Variants in PLCG2 observed in about 807,000 individuals in gnomAD.
PLCG2 encodes phospholipase C gamma 2, also known as 1-phosphatidylinositol 4,5-bisphosphate phosphodiesterase gamma-2.
A neutral mutation model predicts 175.6 loss-of-function variants in PLCG2; 69 were observed. That is an observed-to-expected ratio of 0.39 (90% CI 0.32 to 0.48). PLCG2 has a LOEUF of 0.48. Ranked by LOEUF, PLCG2 falls within the 20% of genes least tolerant of loss-of-function variation. PLCG2 has a pLI of 0.91. For missense variants in PLCG2, 1,798 were observed against 1,650.9 expected (o/e 1.09, Z -1.54); for synonymous variants, 827 against 624.0 (o/e 1.33, Z -4.85).
rs4888183 is a variant in PLCG2 at position 81,859,103 on chromosome 16, T to C, written c.432-13T>C. The C allele has an allele frequency of 6.6e-7, 1 of 1,524,416 alleles. No individual in the cohort carries two copies. Among genetic ancestry groups the C allele is most frequent in the Admixed American group, 1.7e-5 (1 of 59,864 alleles). The allele number at this position is 1,524,416 out of a possible 1,614,324, so 94.4% of individuals were successfully genotyped here. A position where few individuals can be genotyped will look rare whatever the true frequency, so the allele number is the denominator to read the frequency against. ...CTCTTTCTCTCTTTCTTTTGTCTCA[T>C]ATTTCTTTCCAGTTGGCTGAGAAAG... On this transcript the variant is annotated splice_polypyrimidine_tract_variant and intron_variant, in intron 4 of 32. Transcript: ENST00000564138.
intron 1 of PLCG2, among the ~76,000 whole-genome samples, chr16:81,750,833 C>G (rs1332100785): frequency 3.3e-5 from 5 of 151,202 alleles, no homozygotes; most frequent in African/African-American, 1.2e-4. Context: ...ACACCTGCAC[C>G]TGGCTAATTT....
At chr16:81,855,295 C>T (rs1446569649) in intron 3 of PLCG2, among the ~76,000 whole-genome samples, 1 of 152,046 alleles carries the variant, frequency 6.6e-6, no homozygotes, top group African/African-American at 2.4e-5. Context: ...GTCCTGAGAT[C>T]TTCTGTTGCA....
chr16:81,750,730 C>T (rs1385791459), intron 1 of PLCG2, among the ~76,000 whole-genome samples: 1 of 115,064 alleles, frequency 8.7e-6, no homozygotes, highest in East Asian at 3.2e-4. Context: ...TGCAGTGGCG[C>T]GATCTCGGCT....
chr16:81,849,557 G>A (rs989821639), intron 2 of PLCG2, among the ~76,000 whole-genome samples: 5 of 151,986 alleles, frequency 3.3e-5, no homozygotes, highest in African/African-American at 1.2e-4. Flanking sequence ...TCAGGAGTTC[G>A]AGACAAGCCT....
intron 21 of PLCG2, 62 bp from the exon 22 acceptor site, chr16:81,923,423 G>T (rs1243557735): frequency 1.0e-6 from 1 of 999,570 alleles, no homozygotes; most frequent in African/African-American, 1.6e-5. Flanking sequence ...ACCTGGGAAC[G>T]CAGCCGCCTC....
chr16:81,925,885 C>CA (rs755323945), intron 22 of PLCG2, among the ~76,000 whole-genome samples: 250 of 19,744 alleles, frequency 0.013, 1 homozygote, highest in African/African-American at 0.035. Context: ...GACTCTGTCT[C>CA]AAAAAAAAAA....
intron 32 of PLCG2, 138 bp from the exon 33 acceptor site, chr16:81,957,818 C>A: frequency 1.4e-6 from 1 of 699,608 alleles, no homozygotes; most frequent in East Asian, 2.7e-5. Flanking sequence ...AACTTGGAGT[C>A]TGCCTCTCTG....
intron 2 of PLCG2, among the ~76,000 whole-genome samples, chr16:81,851,432 G>C: frequency 6.6e-6 from 1 of 152,128 alleles, no homozygotes; most frequent in East Asian, 1.9e-4. Flanking sequence ...GTCACGTGTA[G>C]GTGGGTATGT....
upstream of PLCG2, among the ~76,000 whole-genome samples, chr16:81,777,229 G>A (rs900165784): frequency 3.9e-5 from 6 of 152,006 alleles, no homozygotes; most frequent in Admixed American, 6.6e-5. Context: ...TAGGAGCCAC[G>A]GCTCCCTAGA....
intron 19 of PLCG2, among the ~76,000 whole-genome samples, chr16:81,915,495 C>T (rs1254801667): frequency 6.6e-6 from 1 of 152,342 alleles, no homozygotes; most frequent in Admixed American, 6.5e-5. Flanking sequence ...AGATGCAACT[C>T]GTATTCCAGA....
At chr16:81,846,487 C>T (rs558373248) in intron 2 of PLCG2, among the ~76,000 whole-genome samples, 1 of 152,218 alleles carries the variant, frequency 6.6e-6, no homozygotes, top group Non-Finnish European at 1.5e-5. Flanking sequence ...AGCACTCTGC[C>T]TAACACAGAG....
chr16:81,749,617 C>G (rs1234522446), intron 1 of PLCG2, among the ~76,000 whole-genome samples: 2 of 152,194 alleles, frequency 1.3e-5, no homozygotes, highest in Non-Finnish European at 1.5e-5. Context: ...GCCTCCCAAA[C>G]TGCTGGAATG....
chr16:81,923,471 G>A lies in PLCG2; in HGVS notation c.2308-14G>A, dbSNP rs571132843. The stretch of plus-strand genomic sequence containing the variant: ...TCCCTGGCCTGACCTTTTCCTTCTT[G>A]TTTTCCCTGAAAGCCTCAGAGAACC... On this transcript the variant is annotated splice_polypyrimidine_tract_variant and intron_variant, in intron 21 of 32. Coordinates refer to ENST00000564138, the MANE Select transcript of PLCG2 (RefSeq NM_002661.5). 1.3e-5 allele frequency: 20 copies of A among 1,573,020 alleles called. No individual in the cohort carries two copies. Among genetic ancestry groups the A allele is most frequent in the Admixed American group, 3.3e-5 (2 of 59,782 alleles).
intron 1 of PLCG2, among the ~76,000 whole-genome samples, chr16:81,752,393 C>G (rs75910468): frequency 0.018 from 2,711 of 152,302 alleles, 36 homozygotes; most frequent in Middle Eastern, 0.034. Flanking sequence ...GGGACACGTC[C>G]TCTTTTAAGG....
Position 81,907,671 on chromosome 16 carries a change from G to A in PLCG2, c.1468-14G>A. The A allele has an allele frequency of 6.2e-7, 1 of 1,606,384 alleles. No homozygotes were observed. Among genetic ancestry groups the A allele is most frequent in the Non-Finnish European group, 8.5e-7 (1 of 1,172,966 alleles). On this transcript the variant is annotated splice_polypyrimidine_tract_variant and intron_variant, in intron 15 of 32. Coordinates refer to ENST00000564138, the MANE Select transcript of PLCG2 (RefSeq NM_002661.5). ...GAGGACTTGGGGGGCACTAATACCA[G>A]TTTCACTTTCTAGAAATGGACTCGG... is the stretch of plus-strand genomic sequence containing the variant.
intron 1 of PLCG2, among the ~76,000 whole-genome samples, chr16:81,752,708 C>T (rs1408001574): frequency 2.0e-5 from 3 of 152,236 alleles, no homozygotes; most frequent in Admixed American, 1.3e-4. Context: ...CCATGAAGGA[C>T]GTGACTGTAG....
intron 2 of PLCG2, among the ~76,000 whole-genome samples, chr16:81,764,164 T>G (rs920710785): frequency 6.6e-6 from 1 of 151,666 alleles, no homozygotes; most frequent in Non-Finnish European, 1.5e-5. Flanking sequence ...TGTGATGGTG[T>G]GAGCCTGTAT....
chr16:81,743,029 G>A (rs949697633), intron 1 of PLCG2, among the ~76,000 whole-genome samples: 6 of 152,154 alleles, frequency 3.9e-5, no homozygotes, highest in Admixed American at 6.6e-5. Context: ...AGCTGGGTTC[G>A]GTGGCTCATG....
chr16:81,939,227 A>T (rs1254372652), intron 29 of PLCG2, among the ~76,000 whole-genome samples: 5 of 152,170 alleles, frequency 3.3e-5, no homozygotes, highest in Non-Finnish European at 7.3e-5. Context: ...AAAGGCCAAG[A>T]GGCAGAGACA....
Sources: gnomAD v4.1 joint callset for allele counts (sites outside exome capture counted in the v4.1 genomes callset) on GRCh38, gnomAD v4.1.1 for gene constraint, MANE v1.5 for transcripts, NCBI Gene and HGNC (gene_info 2026-07-23, HGNC 2026-07-21) for gene names.